The following GLS variants were observed in gnomAD, a reference collection of about 807,000 sequenced individuals.
The protein encoded by GLS is glutaminase kidney isoform, mitochondrial.
A neutral mutation model predicts 86.7 loss-of-function variants in GLS; 36 were observed. The observed-to-expected ratio is 0.42, with a 90% CI of 0.32 to 0.55. GLS has a LOEUF of 0.55. GLS is among the 20% of genes least tolerant of loss of function. The pLI is 0.17. For synonymous variants in GLS, 317 were observed against 305.9 expected, an observed-to-expected ratio of 1.04 and a Z score of -0.38; for missense variants, 528 against 833.4, an observed-to-expected ratio of 0.63 and a Z score of 4.51.
intron 6 of GLS, among the ~76,000 whole-genome samples, chr2:190,907,082 G>A (rs1358151326): frequency 6.6e-6 from 1 of 151,438 alleles, no homozygotes; most frequent in Non-Finnish European, 1.5e-5. Context: ...CCGCCAGCAC[G>A]CCTGGCTAAT....
At position 190,895,609 on chromosome 2, in the gene GLS, C is replaced by G. The variant is rs1205775896; in HGVS notation, c.489C>G (p.Leu163=). The change falls in exon 3 of 18, where the codon CTC becomes CTG. Residue 163 remains leucine, a synonymous_variant. Transcript: ENST00000320717. This position sits in a 1 kb window ranked among gnomAD's most constrained non-coding sequence, Gnocchi z 4.2. ...KIPVHKFITA[L]KSTGLRTSDP... ...TCTTATTTTTTTAAAAACAGGCACT[C>G]AAATCTACAGGATTGCGAACGTCTG... 1.3e-6 allele frequency: 2 copies of G among 1,594,172 alleles called. No homozygotes were observed. Among genetic ancestry groups the G allele is most frequent in the East Asian group, 2.2e-5 (1 of 44,696 alleles).
At chr2:190,891,031 A>ATTTT (rs11368612) in intron 1 of GLS, among the ~76,000 whole-genome samples, 1 of 149,654 alleles carries the variant, frequency 6.7e-6, no homozygotes, top group Admixed American at 6.6e-5. Context: ...CTTAGTAAGG[A>ATTTT]TTTTTTTTTT....
At chr2:190,882,290 A>G (rs1225317991) in intron 1 of GLS, among the ~76,000 whole-genome samples, 2 of 152,206 alleles carry the variant, frequency 1.3e-5, no homozygotes, top group South Asian at 2.1e-4. Flanking sequence ...TTGTGACTTC[A>G]TTGTGATAGG....
chr2:190,895,515 T>TTA lies in GLS; in HGVS notation c.484-84_484-83dup, dbSNP rs1688703090. ...ATGTTCAAGTGTTGGGTAGAAGTTT[T>TTA]TATATACAGGAATAAAATCTTATAG... On this transcript the variant is annotated intron_variant, in intron 2 of 17. Coordinates refer to ENST00000320717, the MANE Select transcript of GLS (RefSeq NM_014905.5). The surrounding 1 kb of genome is among the most constrained non-coding windows in gnomAD (Gnocchi z 4.2). 1 of 927,098 alleles carries TTA rather than the reference T, an allele frequency of 1.1e-6. No individual in the cohort carries two copies. The highest frequency in any genetic ancestry group is 2.4e-5 in the Admixed American group (1 of 42,138). 57.4% of individuals were successfully genotyped at this position (927,098 alleles called of 1,614,324 possible).
In GLS at chr2:190,893,876, C is replaced by T. The variant is rs1470331041; in HGVS notation, c.387-1276C>T. 2.6e-5 allele frequency among the ~76,000 whole-genome samples: 4 copies of T among 152,280 alleles called. No homozygotes were observed. In the South Asian group the frequency reaches 6.2e-4, roughly 24 times the overall value. ...CTGGGATTATAGGCGTGAGCTGCCA[C>T]GCCCAGCTTCAAATGCATTTTTAGA... is the stretch of plus-strand genomic sequence containing the variant. On this transcript the variant is annotated intron_variant, in intron 1 of 17. Coordinates refer to ENST00000320717, the MANE Select transcript of GLS (RefSeq NM_014905.5).
chr2:190,957,532 AT>A, intron 17 of GLS, among the ~76,000 whole-genome samples: 1 of 152,330 alleles, frequency 6.6e-6, no homozygotes, highest in Middle Eastern at 3.4e-3. Flanking sequence ...TCAGTATGAT[AT>A]TGGCTGTGGG....
intron 1 of GLS, among the ~76,000 whole-genome samples, chr2:190,886,209 A>G (rs1466427045): frequency 6.6e-6 from 1 of 152,318 alleles, no homozygotes; most frequent in East Asian, 1.9e-4. Flanking sequence ...AAAGGTACCA[A>G]TAACTATATG....
In GLS at chr2:190,962,757, CT is replaced by C; in HGVS notation, c.1854-72del. The C allele has an allele frequency of 1.0e-6, 1 of 992,192 alleles. No individual in the cohort carries two copies. The highest frequency in any genetic ancestry group is 3.8e-5 in the South Asian group (1 of 26,424). The allele number at this position is 992,192 out of a possible 1,614,324, so 61.5% of individuals were successfully genotyped here. A position where few individuals can be genotyped will look rare whatever the true frequency, so the allele number is the denominator to read the frequency against. On this transcript the variant is annotated intron_variant, in intron 17 of 17. Transcript: ENST00000320717. This position sits in a 1 kb window ranked among gnomAD's most constrained non-coding sequence, Gnocchi z 4.2. ...TGGCCATTTAACCTGCATTTAAAAT[CT>C]AGGAATGTGGGGTGATCATCTTTGT... is the stretch of plus-strand genomic sequence containing the variant.
Position 190,900,619 on chromosome 2 carries a change from A to G in GLS, c.661A>G (p.Ile221Val). ...ACAAGCATTTAGAAGAAAGTTTGTG[A>G]TTCCTGACTTTATGTCTTTTACCTC... Reference protein sequence around the residue: ...LTQAFRRKFVIPDFMSFTSHI... With the variant: ...LTQAFRRKFVVPDFMSFTSHI... Residue 221 changes from isoleucine (I) to valine (V), a missense_variant, in exon 4 of 18, where the codon ATT (isoleucine) becomes GTT (valine). Ile to Val is a conservative substitution (Grantham distance 29). Around this residue, in one of 4 missense-constraint regions of GLS, gnomAD observed 111 missense variants for 179.5 expected, o/e 0.62. Coordinates refer to ENST00000320717, the MANE Select transcript of GLS (RefSeq NM_014905.5). 3 of 1,604,044 alleles carry G rather than the reference A, an allele frequency of 1.9e-6. No individual in the cohort carries two copies. Among genetic ancestry groups the G allele is most frequent in the Non-Finnish European group, 2.6e-6 (3 of 1,171,400 alleles).
intron 17 of GLS, among the ~76,000 whole-genome samples, chr2:190,959,767 A>G (rs1690956548): frequency 1.3e-5 from 2 of 152,184 alleles, no homozygotes. Flanking sequence ...TCAGCATACA[A>G]ACTTGCTCAC....
intron 1 of GLS, among the ~76,000 whole-genome samples, chr2:190,889,914 A>C (rs967013143): frequency 6.6e-6 from 1 of 152,206 alleles, no homozygotes; most frequent in African/African-American, 2.4e-5. Flanking sequence ...ATGCAGTTTT[A>C]TCAAGGCAGA....
intron 6 of GLS, among the ~76,000 whole-genome samples, chr2:190,906,356 T>C (rs979145850): frequency 2.6e-5 from 4 of 152,016 alleles, no homozygotes; most frequent in Non-Finnish European, 4.4e-5. Context: ...AAAACAAATA[T>C]AGTAATTTGA....
Position 190,921,123 on chromosome 2 carries a change from A to G in GLS, c.1072-22A>G, listed in dbSNP as rs1463179233. ...ATATATTTGTTTTTTGATTACTAAT[A>G]TTCCCTACTTTTGGTTTCTAGGTCA... On this transcript the variant is annotated intron_variant, in intron 8 of 17. Transcript: ENST00000320717. The surrounding 1 kb of genome is among the most constrained non-coding windows in gnomAD (Gnocchi z 4.2). 5 of 1,594,656 alleles carry G rather than the reference A, an allele frequency of 3.1e-6. No homozygotes were observed. Among genetic ancestry groups the G allele is most frequent in the Non-Finnish European group, 4.3e-6 (5 of 1,162,878 alleles).
intron 6 of GLS, 104 bp from the exon 7 acceptor site, chr2:190,910,159 A>G (rs1036250116): frequency 1.5e-5 from 10 of 670,832 alleles, no homozygotes; most frequent in Non-Finnish European, 1.8e-5. Context: ...AAAAAGCAAA[A>G]TTGAGTACGT....
intron 14 of GLS, among the ~76,000 whole-genome samples, chr2:190,942,205 G>C (rs1449922060): frequency 6.8e-6 from 1 of 147,242 alleles, no homozygotes; most frequent in Non-Finnish European, 1.5e-5. Flanking sequence ...TCAGCCTCCC[G>C]AGTAGCTGGG....
At chr2:190,881,974 C>CAGAAA (rs1231266172) in intron 1 of GLS, 3 of 152,794 alleles carry the variant, frequency 2.0e-5, no homozygotes, top group Non-Finnish European at 4.4e-5. Context: ...TTGGTTTCTG[C>CAGAAA]CATCATCCGG....
In GLS at chr2:190,962,970, T is replaced by C. The variant is rs1281257744; in HGVS notation, c.1994T>C (p.Leu665Pro). 2 of 1,605,640 alleles carry C rather than the reference T, an allele frequency of 1.2e-6. No individual in the cohort carries two copies. The highest frequency in any genetic ancestry group is 1.7e-6 in the Non-Finnish European group (2 of 1,176,802). ...GAAAATCAAACCGTCCATAAGAATCTTGATGGATTGTTGTAATGGTCTCAA... is the reference window on the plus strand; with the variant it reads ...GAAAATCAAACCGTCCATAAGAATCCTGATGGATTGTTGTAATGGTCTCAA... ...GKENQTVHKN[L>P]DGLL Residue 665 changes from leucine (L) to proline (P), a missense_variant, in exon 18 of 18, where the codon CTT becomes CCT. This residue lies in a region of GLS where 30 missense variants were observed against 36.9 expected (regional missense o/e 0.81). Coordinates refer to ENST00000320717, the MANE Select transcript of GLS (RefSeq NM_014905.5). This position sits in a 1 kb window ranked among gnomAD's most constrained non-coding sequence, Gnocchi z 4.2.
chr2:190,885,107 T>C (rs948829152), intron 1 of GLS, among the ~76,000 whole-genome samples: 1 of 152,192 alleles, frequency 6.6e-6, no homozygotes, highest in Non-Finnish European at 1.5e-5. Context: ...TTAGTATGGA[T>C]TTATGTTTTG....
chr2:190,896,668 T>C (rs568113000), intron 3 of GLS: 100 of 152,362 alleles, frequency 6.6e-4, no homozygotes, highest in African/African-American at 2.3e-3. Flanking sequence ...CCTGGCATGC[T>C]GTGAAGCACT....
Sources: gnomAD v4.1 joint callset for allele counts (sites outside exome capture counted in the v4.1 genomes callset) on GRCh38, gnomAD v4.1.1 for gene constraint, gnomAD v4.1.1 regional missense constraint, Gnocchi (gnomAD v3.1) non-coding constraint, MANE v1.5 for transcripts, NCBI Gene and HGNC (gene_info 2026-07-23, HGNC 2026-07-21) for gene names.